TECR: variants seen among roughly 807,000 people sequenced by gnomAD.
TECR encodes the protein trans-2,3-enoyl-CoA reductase.
Under a neutral mutation model 50.6 loss-of-function variants are expected in TECR, and 19 were observed. The ratio of observed to expected loss-of-function variants is 0.38; its 90% CI spans 0.26 to 0.55. The LOEUF (loss-of-function observed/expected upper bound fraction) is 0.55, where lower values mean the gene tolerates loss of function less well. Among genes scored for constraint, TECR ranks in the 20% least tolerant of loss-of-function variants. The pLI is 0.79. For synonymous variants in TECR, 168 were observed against 163.5 expected (o/e 1.03, Z -0.21); for missense variants, 313 against 408.3 (o/e 0.77, Z 2.01).
At chr19:14,564,704 A>G in intron 7 of TECR, 82 bp from the exon 8 acceptor site, 1 of 1,328,436 alleles carries the variant, frequency 7.5e-7, no homozygotes, top group South Asian at 1.2e-5. Flanking sequence ...CCATGCTCCC[A>G]GGCCCCTCGG....
chr19:14,557,127 T>TTATG (rs566772231), intron 1 of TECR, among the ~76,000 whole-genome samples: 154 of 119,144 alleles, frequency 1.3e-3, no homozygotes, highest in African/African-American at 5.6e-3. Context: ...ATTTATTTAT[T>TTATG]TATTTATTTA....
At chr19:14,561,195 C>A (rs2073890602) in intron 1 of TECR, among the ~76,000 whole-genome samples, 4 of 152,138 alleles carry the variant, frequency 2.6e-5, no homozygotes, top group Admixed American at 2.6e-4. Context: ...GGTGGGTGGG[C>A]CTGCCCTGGG....
intron 1 of TECR, among the ~76,000 whole-genome samples, chr19:14,541,644 A>C (rs2073100378): frequency 6.6e-6 from 1 of 152,016 alleles, no homozygotes; most frequent in Admixed American, 6.6e-5. Context: ...CAGGGAGGAG[A>C]ATGGTGTTCT....
chr19:14,550,380 A>T (rs894274256), intron 1 of TECR, among the ~76,000 whole-genome samples: 4 of 152,100 alleles, frequency 2.6e-5, no homozygotes, highest in Admixed American at 1.3e-4. Flanking sequence ...GGGGTGGACT[A>T]ACCTGTCTGC....
rs571841070 is a variant in TECR, at chr19:14,564,303, C to T, written c.489+16C>T. 4.8e-5 allele frequency: 77 copies of T among 1,587,656 alleles called. No homozygotes were observed. The highest frequency in any genetic ancestry group is 4.0e-4 in the East Asian group (18 of 44,594). ...CATCTTCAAGGTGAGAGCCCGTCCC[C>T]GCCTCACCCCTAAGCCCCGCCTTTC... On this transcript the variant is annotated intron_variant, in intron 7 of 12. Coordinates refer to ENST00000215567, the MANE Select transcript of TECR (RefSeq NM_138501.6).
chr19:14,551,722 G>T lies in TECR; in HGVS notation c.16-10803G>T, dbSNP rs1250224665. Among the ~76,000 whole-genome samples the T allele has an allele frequency of 2.0e-5, 3 of 152,146 alleles. No individual in the cohort carries two copies. In the East Asian group the frequency reaches 5.8e-4, roughly 29 times the overall value. On this transcript the variant is annotated intron_variant, in intron 1 of 12. Transcript: ENST00000215567. ...ACAGCCTGGCTGTGTGAGGCTGTGGGGCAGAGGCCAGCGGGCTGGGTCCTC... is the reference window on the plus strand; with the variant it reads ...ACAGCCTGGCTGTGTGAGGCTGTGGTGCAGAGGCCAGCGGGCTGGGTCCTC...
At chr19:14,527,774 G>A (rs1187081687), upstream of TECR, 1 of 152,254 alleles carries the variant, frequency 6.6e-6, no homozygotes, top group Non-Finnish European at 1.5e-5. Flanking sequence ...GTGAATTCCA[G>A]ATGGTTCAAC....
chr19:14,553,807 G>T (rs183513591), intron 1 of TECR, among the ~76,000 whole-genome samples: 1 of 152,262 alleles, frequency 6.6e-6, no homozygotes, highest in South Asian at 2.1e-4. Flanking sequence ...GAGCTCAGGC[G>T]ATGAGTGCAG....
chr19:14,558,505 G>A (rs1033634052), intron 1 of TECR, among the ~76,000 whole-genome samples: 2 of 152,128 alleles, frequency 1.3e-5, no homozygotes, highest in African/African-American at 2.4e-5. Context: ...GCTGGGCCCC[G>A]GGAATCTTGG....
chr19:14,563,179 A>T lies in TECR; in HGVS notation c.67-27A>T. 1 of 1,613,476 alleles carries T rather than the reference A, an allele frequency of 6.2e-7. No individual in the cohort carries two copies. The highest frequency in any genetic ancestry group is 1.1e-5 in the South Asian group (1 of 91,060). On this transcript the variant is annotated intron_variant, in intron 2 of 12. Transcript: ENST00000215567. The surrounding 1 kb of genome is among the most constrained non-coding windows in gnomAD (Gnocchi z 5.3). ...TGAGTCTGGGCTCCCCGCAGAGCTG[A>T]CGTCCCTGCGCCTGTGCTTCCCCCA...
chr19:14,529,034 T>C (rs1202944023), upstream of TECR: 1 of 155,768 alleles, frequency 6.4e-6, no homozygotes, highest in African/African-American at 2.4e-5. Context: ...CTCAAGGTTC[T>C]TGCAGGTTGG....
chr19:14,538,544 T>C lies in TECR; in HGVS notation c.15+8833T>C, dbSNP rs537615864. On this transcript the variant is annotated intron_variant, in intron 1 of 12. Coordinates refer to ENST00000215567, the MANE Select transcript of TECR (RefSeq NM_138501.6). ...TCAAAACTCTTTTTTTTCTTTTTTT[T>C]TTTTTTTGAGATAGAGTCTTCCTCT... is the stretch of plus-strand genomic sequence containing the variant. 5.7e-4 allele frequency among the ~76,000 whole-genome samples: 87 copies of C among 151,622 alleles called. 2 individuals are homozygous for C. In the South Asian group the frequency reaches 0.018, roughly 30 times the overall value.
At chr19:14,550,544 C>T (rs115473932) in intron 1 of TECR, among the ~76,000 whole-genome samples, 1 of 152,276 alleles carries the variant, frequency 6.6e-6, no homozygotes, top group African/African-American at 2.4e-5. Flanking sequence ...GTGTCGTCCC[C>T]AACTGCCACC....
chr19:14,543,913 T>G (rs1465898017), intron 1 of TECR, among the ~76,000 whole-genome samples: 1 of 151,364 alleles, frequency 6.6e-6, no homozygotes, highest in African/African-American at 2.4e-5. Context: ...TATTTTTGTA[T>G]TTTTAGTAGA....
At chr19:14,535,102 G>GT (rs1172294800) in intron 1 of TECR, among the ~76,000 whole-genome samples, 1 of 152,182 alleles carries the variant, frequency 6.6e-6, no homozygotes, top group Non-Finnish European at 1.5e-5. Context: ...CCTGGGTGCA[G>GT]TGGTTCATGC....
At chr19:14,561,762 CAG>C (rs1322861180) in intron 1 of TECR, among the ~76,000 whole-genome samples, 21 of 152,214 alleles carry the variant, frequency 1.4e-4, no homozygotes, top group Non-Finnish European at 2.6e-4. Context: ...CCCATAACTC[CAG>C]AATCTGTCAC....
intron 1 of TECR, among the ~76,000 whole-genome samples, chr19:14,560,049 G>A (rs1041737532): frequency 3.3e-5 from 5 of 152,148 alleles, no homozygotes; most frequent in African/African-American, 4.8e-5. Context: ...AGGTTTGGGC[G>A]TCTCCTCTCC....
chr19:14,564,464 C>A (rs1316454006), intron 7 of TECR, among the ~76,000 whole-genome samples, 177 bp downstream of exon 7: 1 of 138,302 alleles, frequency 7.2e-6, no homozygotes, highest in Admixed American at 7.3e-5. Flanking sequence ...TAGACCCCGC[C>A]CGTCCTCCCC....
chr19:14,563,864 G>A lies in TECR; in HGVS notation c.228G>A (p.Leu76=). 1 of 1,614,012 alleles carries A rather than the reference G, an allele frequency of 6.2e-7. No homozygotes were observed. Among genetic ancestry groups the A allele is most frequent in the South Asian group, 1.1e-5 (1 of 91,084 alleles). ...TGCCCGTGGGCACCACGGCCACACT[G>A]TACTTCCGGGACCTGGGGGCCCAGA... is the stretch of plus-strand genomic sequence containing the variant. ...QKLPVGTTAT[L]YFRDLGAQIS... The change falls in exon 5 of 13, where the codon CTG becomes CTA. Residue 76 remains leucine (L), a synonymous_variant. Coordinates refer to ENST00000215567, the MANE Select transcript of TECR (RefSeq NM_138501.6). This position sits in a 1 kb window ranked among gnomAD's most constrained non-coding sequence, Gnocchi z 5.3.
Sources: allele counts gnomAD v4.1 joint callset (sites outside exome capture counted in the v4.1 genomes callset), GRCh38; gene constraint gnomAD v4.1.1; non-coding constraint Gnocchi (gnomAD v3.1); transcripts MANE v1.5; gene names NCBI Gene and HGNC (gene_info 2026-07-23, HGNC 2026-07-21).